PIF1: variants seen among roughly 807,000 people sequenced by gnomAD.
PIF1 encodes the protein PIF1 5'-to-3' DNA helicase.
In PIF1, 67 loss-of-function variants were observed where a neutral mutation model predicts 62.3. The observed-to-expected ratio is 1.08, with a 90% CI of 0.88 to 1.32. The LOEUF is 1.32. Among genes scored for constraint, PIF1 ranks in the 40% most tolerant of loss-of-function variants. The pLI is 0.00. For missense variants in PIF1, 886 were observed against 866.1 expected (o/e 1.02, Z -0.29); for synonymous variants, 364 against 379.5 (o/e 0.96, Z 0.47).
intron 7 of PIF1, 45 bp from the exon 8 acceptor site, chr15:64,820,031 G>A: frequency 1.3e-6 from 2 of 1,590,766 alleles, no homozygotes; most frequent in Non-Finnish European, 1.7e-6. Context: ...TGTGCAGCAG[G>A]GGAGGTGGGG....
chr15:64,822,523 T>C lies in PIF1; in HGVS notation c.646A>G (p.Arg216Gly), dbSNP rs778461909. 6.2e-7 allele frequency: 1 copy of C among 1,612,842 alleles called. No homozygotes were observed. Residue 216 changes from arginine to glycine, a missense_variant, in exon 3 of 13, where the codon AGG becomes GGG. Coordinates refer to ENST00000559239, the MANE Select transcript of PIF1 (RefSeq NM_001286496.2). ...ATGCTCTGGCCTTTCAGGACGGCCC[T>C]CAGCACAGCAGCCTGTTCCTCAGAA... ...QLSEEQAAVL[R>G]AVLKGQSIFF... is the part of the protein sequence containing the mutation.
intron 12 of PIF1, 64 bp from the exon 13 acceptor site, chr15:64,816,421 G>C: frequency 6.2e-7 from 1 of 1,608,820 alleles, no homozygotes; most frequent in Non-Finnish European, 8.5e-7. Flanking sequence ...ATAACCTGGG[G>C]GCCAGCATCT....
intron 2 of PIF1, chr15:64,823,537 G>A: frequency 2.8e-6 from 1 of 359,164 alleles, no homozygotes; most frequent in Non-Finnish European, 5.0e-6. Flanking sequence ...GAGCCACCAT[G>A]CCCGGCCTCT....
chr15:64,816,319 C>T lies in PIF1; in HGVS notation c.1905G>A (p.Glu635=), dbSNP rs771942529. 10 of 1,614,074 alleles carry T rather than the reference C, an allele frequency of 6.2e-6. No individual in the cohort carries two copies. The South Asian group carries it at 1.1e-4, about 18-fold the overall frequency. ...PDDDEAASDQ[E]NMDPIL is the part of the protein sequence containing the mutation. Reference sequence around the variant, plus strand: ...AGGCTCAGAGGATTGGGTCCATGTTCTCCTGGTCTGAGGCTGCCTCATCAT... The same window carrying T: ...AGGCTCAGAGGATTGGGTCCATGTTTTCCTGGTCTGAGGCTGCCTCATCAT... Residue 635 remains glutamate, a synonymous_variant, in exon 13 of 13, where the codon GAG becomes GAA. Transcript: ENST00000559239.
Position 64,815,858 on chromosome 15 carries a change from C to T in PIF1, c.*440G>A. 6.4e-7 allele frequency: 1 copy of T among 1,550,622 alleles called. No homozygotes were observed. Among genetic ancestry groups the T allele is most frequent in the Non-Finnish European group, 8.7e-7 (1 of 1,147,006 alleles). On this transcript the variant is annotated 3_prime_UTR_variant, in exon 13 of 13. Coordinates refer to ENST00000559239, the MANE Select transcript of PIF1 (RefSeq NM_001286496.2). ...CTAAGTTCCGTTCTCTGTTTGGAGGCTGCACCCAGCCTGAGTCCCCACCAG... is the reference window on the plus strand; with the variant it reads ...CTAAGTTCCGTTCTCTGTTTGGAGGTTGCACCCAGCCTGAGTCCCCACCAG...
At chr15:64,822,920 C>T (rs886745376) in intron 2 of PIF1, among the ~76,000 whole-genome samples, 10 of 152,102 alleles carry the variant, frequency 6.6e-5, no homozygotes, top group African/African-American at 2.4e-4. Flanking sequence ...TTCCTGTCAC[C>T]TAAGTTTCTC....
At chr15:64,826,659 T>TAC (rs1345237310), upstream of PIF1, among the ~76,000 whole-genome samples, 59 of 39,968 alleles carry the variant, frequency 1.5e-3, 4 homozygotes, top group Admixed American at 2.7e-3. Context: ...TATATATATA[T>TAC]ATATATACAC....
At position 64,818,248 on chromosome 15, in the gene PIF1, A is replaced by G. The variant is rs751903972; in HGVS notation, c.1528+9T>C. 2.5e-6 allele frequency: 4 copies of G among 1,613,996 alleles called. No homozygotes were observed. Among genetic ancestry groups the G allele is most frequent in the South Asian group, 1.1e-5 (1 of 91,074 alleles). On this transcript the variant is annotated intron_variant, in intron 10 of 12. Coordinates refer to ENST00000559239, the MANE Select transcript of PIF1 (RefSeq NM_001286496.2). ...CGTAGCAGGACTGCCACCTCCTCCC[A>G]ACACTTACCTCTCCCTTCTGCCTCG...
In PIF1 at chr15:64,821,360, T is replaced by A; in HGVS notation, c.971+7A>T. ...GTTCTCACCTGCTGCCCTCTGAACA[T>A]ACTGACCTGGCCACGGCCTCCAGTT... On this transcript the variant is annotated splice_region_variant and intron_variant, in intron 5 of 12. Transcript: ENST00000559239. 6.2e-7 allele frequency: 1 copy of A among 1,614,000 alleles called. No individual in the cohort carries two copies. The highest frequency in any genetic ancestry group is 8.5e-7 in the Non-Finnish European group (1 of 1,179,910).
intron 9 of PIF1, 46 bp from the exon 10 acceptor site, chr15:64,818,390 CTGGTCTTAGCTTCGCCA>C: frequency 6.3e-7 from 1 of 1,577,386 alleles, no homozygotes; most frequent in Non-Finnish European, 8.7e-7. Flanking sequence ...CTACCCATGC[CTGGTCTTAGCTTCGCCA>C]TGGCTGTTCT....
chr15:64,817,461 T>G (rs2084203626), intron 11 of PIF1, among the ~76,000 whole-genome samples: 2 of 149,282 alleles, frequency 1.3e-5, no homozygotes, highest in Admixed American at 1.3e-4. Context: ...AGGAGAATGG[T>G]GTGAACCTGG....
At chr15:64,819,747 A>G in intron 8 of PIF1, 100 bp downstream of exon 8, 1 of 1,512,394 alleles carries the variant, frequency 6.6e-7, no homozygotes, top group Non-Finnish European at 9.0e-7. Context: ...ATGGCTTCAG[A>G]GGTTGGGGGC....
chr15:64,818,678 G>A, intron 9 of PIF1: 1 of 347,852 alleles, frequency 2.9e-6, no homozygotes, highest in Non-Finnish European at 5.3e-6. Flanking sequence ...TTGAGGGATG[G>A]CCTCTAGGTC....
In PIF1 at chr15:64,819,597, C is replaced by T. The variant is rs1260272534; in HGVS notation, c.1333+250G>A. Among the ~76,000 whole-genome samples the T allele has an allele frequency of 2.6e-5, 4 of 152,182 alleles. 1 individual carries two copies. The South Asian group carries it at 8.3e-4, about 32-fold the overall frequency. On this transcript the variant is annotated intron_variant, in intron 8 of 12. Coordinates refer to ENST00000559239, the MANE Select transcript of PIF1 (RefSeq NM_001286496.2). ...GTGCTGGAATTACAGGTATGACCCA[C>T]CGCTCCCAGCCTCCAAAAAAAACTA...
chr15:64,826,161 G>T (rs1183607748), upstream of PIF1, among the ~76,000 whole-genome samples: 3 of 148,024 alleles, frequency 2.0e-5, no homozygotes, highest in African/African-American at 7.5e-5. Flanking sequence ...GGGACTTTAC[G>T]CTTTGGCTCT....
Position 64,824,151 on chromosome 15 carries a change from G to A in PIF1, c.185C>T (p.Pro62Leu), listed in dbSNP as rs905281567. Residue 62 changes from proline (P) to leucine (L), a missense_variant, in exon 2 of 13, where the codon CCC becomes CTC. Coordinates refer to ENST00000559239, the MANE Select transcript of PIF1 (RefSeq NM_001286496.2). Reference sequence around the variant, plus strand: ...AGGAAAGCAGCGCGGCCGCCCCGCGGGCCCTGGCGCTTGCAGCCGCAGCAT... The same window carrying A: ...AGGAAAGCAGCGCGGCCGCCCCGCGAGCCCTGGCGCTTGCAGCCGCAGCAT... ...ELMLRLQAPG[P>L]AGRPRCFPLR... The A allele has an allele frequency of 4.1e-5, 53 of 1,299,614 alleles. No individual in the cohort carries two copies. The African/African-American group carries it at 7.3e-4, about 18-fold the overall frequency. The allele number at this position is 1,299,614 out of a possible 1,614,324, so 80.5% of individuals were successfully genotyped here. A position where few individuals can be genotyped will look rare whatever the true frequency, so the allele number is the denominator to read the frequency against.
intron 2 of PIF1, 57 bp downstream of exon 2, chr15:64,823,721 C>A: frequency 8.1e-7 from 1 of 1,237,770 alleles, no homozygotes; most frequent in Admixed American, 3.9e-5. Flanking sequence ...TAGGTCTCTG[C>A]CATCTTAAAG....
At chr15:64,818,915 G>A (rs1233984068) in intron 9 of PIF1, 1 of 472,932 alleles carries the variant, frequency 2.1e-6, no homozygotes, top group African/African-American at 2.0e-5. Flanking sequence ...ACACTGCTTG[G>A]AGGACCTCCT....
chr15:64,824,212 C>A lies in PIF1; in HGVS notation c.124G>T (p.Glu42Ter). 1 of 1,352,816 alleles carries A rather than the reference C, an allele frequency of 7.4e-7. No individual in the cohort carries two copies. Among genetic ancestry groups the A allele is most frequent in the Non-Finnish European group, 9.6e-7 (1 of 1,046,210 alleles). The allele number at this position is 1,352,816 out of a possible 1,614,324, so 83.8% of individuals were successfully genotyped here. ...PRRRQALRTA[E>*]LSLGRNERRE... ...CGCTCGTTGCGACCCAGGCTCAGCT[C>A]CGCGGTGCGCAGGGCCTGGCGCCTT... The change falls in exon 2 of 13, where the codon GAG (glutamate) becomes TAG (stop). Residue 42 changes from glutamate (E) to a stop codon, truncating the protein, a stop_gained. Transcript: ENST00000559239. LOFTEE classifies it high-confidence loss of function.
Sources: allele counts gnomAD v4.1 joint callset (sites outside exome capture counted in the v4.1 genomes callset), GRCh38; gene constraint gnomAD v4.1.1; transcripts MANE v1.5; gene names NCBI Gene and HGNC (gene_info 2026-07-23, HGNC 2026-07-21).